The following SLC16A2 variants were observed in gnomAD, a reference collection of about 807,000 sequenced individuals.
SLC16A2 encodes the protein solute carrier family 16 member 2.
A neutral mutation model predicts 27.2 loss-of-function variants in SLC16A2; 3 were observed. The ratio of observed to expected loss-of-function variants is 0.11; its 90% confidence interval spans 0.05 to 0.28. SLC16A2 has a LOEUF of 0.28. Among genes scored for constraint, SLC16A2 ranks in the 10% least tolerant of loss-of-function variants. The probability of loss-of-function intolerance (pLI) is 1.00; values close to 1 mark genes in which losing one functional copy is unlikely to be tolerated. For synonymous variants in SLC16A2, 202 were observed against 187.8 expected (o/e 1.08, Z -0.62); for missense variants, 295 against 458.5 (o/e 0.64, Z 3.26).
chrX:74,451,046 G>A (rs760830683), intron 1 of SLC16A2, among the ~76,000 whole-genome samples: 2 of 111,704 alleles, frequency 1.8e-5, no homozygotes, highest in Non-Finnish European at 3.8e-5. Flanking sequence ...TTTCCATGGG[G>A]ATCTGTGGGT....
intron 1 of SLC16A2, among the ~76,000 whole-genome samples, chrX:74,444,888 T>C (rs1928811866): frequency 8.9e-6 from 1 of 111,938 alleles, no homozygotes; most frequent in South Asian, 3.7e-4. Flanking sequence ...TCTGCTTCTG[T>C]AATGTCTATG....
chrX:74,457,492 G>A (rs1481831363), intron 1 of SLC16A2, among the ~76,000 whole-genome samples: 2 of 111,139 alleles, frequency 1.8e-5, no homozygotes, highest in Non-Finnish European at 3.8e-5. Flanking sequence ...TGAATTTCAG[G>A]GTCACCAATG....
chrX:74,527,220 C>T (rs1178722279), intron 4 of SLC16A2, among the ~76,000 whole-genome samples: 1 of 112,417 alleles, frequency 8.9e-6, no homozygotes, highest in Non-Finnish European at 1.9e-5. Flanking sequence ...GCCCCTTTTC[C>T]TTACTCTTAC....
At chrX:74,439,158 CTCTTTCTTTCTT>C (rs765500073) in intron 1 of SLC16A2, among the ~76,000 whole-genome samples, 1 of 62,219 alleles carries the variant, frequency 1.6e-5, no homozygotes, top group East Asian at 4.5e-3. Flanking sequence ...GCTTGCTCAA[CTCTTTCTTTCTT>C]TCTTTCTTTC....
At chrX:74,519,394 G>T (rs1365436072) in intron 1 of SLC16A2, among the ~76,000 whole-genome samples, 4 of 105,614 alleles carry the variant, frequency 3.8e-5, no homozygotes, top group Middle Eastern at 4.9e-3. Flanking sequence ...AGCCAGGATG[G>T]TCTCTATCTC....
chrX:74,442,246 A>G (rs777195025), intron 1 of SLC16A2, among the ~76,000 whole-genome samples: 1,700 of 109,138 alleles, frequency 0.016, 36 homozygotes, highest in African/African-American at 0.054. Flanking sequence ...AAAAAAAAAA[A>G]AAAGAAATGG....
rs1064797374 is a variant in SLC16A2, at chrX:74,531,421, C to T, written c.1488C>T (p.Phe496=). The T allele has an allele frequency of 1.7e-5, 21 of 1,210,394 alleles. No individual in the cohort carries two copies. The highest frequency in any genetic ancestry group is 2.2e-5 in the Non-Finnish European group (20 of 894,206). The stretch of plus-strand genomic sequence containing the variant: ...TCATCGGGGCTGTAATCCTCTTCTT[C>T]GTCCCTCTGATGCATCAAAGGATGT... ...PPIIGAVILF[F]VPLMHQRMFK... is the part of the protein sequence containing the mutation. The change falls in exon 6 of 6, where the codon TTC becomes TTT. Residue 496 remains phenylalanine (F), a synonymous_variant. Transcript: ENST00000587091.
intron 1 of SLC16A2, among the ~76,000 whole-genome samples, chrX:74,442,011 C>T (rs755423926): frequency 9.1e-6 from 1 of 109,298 alleles, no homozygotes; most frequent in Admixed American, 9.8e-5. Flanking sequence ...GGTGGATCAC[C>T]TGAGGTTGGG....
intron 1 of SLC16A2, among the ~76,000 whole-genome samples, chrX:74,449,410 A>G (rs1928897146): frequency 9.0e-6 from 1 of 111,656 alleles, no homozygotes; most frequent in Non-Finnish European, 1.9e-5. Flanking sequence ...TCTTGAGTCC[A>G]CTCTTGGAAA....
At chrX:74,484,985 G>A (rs1929688489) in intron 1 of SLC16A2, among the ~76,000 whole-genome samples, 2 of 111,778 alleles carry the variant, frequency 1.8e-5, no homozygotes, top group Admixed American at 9.5e-5. Flanking sequence ...GGGAGGCCGA[G>A]GAGAGCAGAT....
intron 1 of SLC16A2, among the ~76,000 whole-genome samples, chrX:74,490,816 T>G (rs988721809): frequency 8.9e-6 from 1 of 112,164 alleles, no homozygotes; most frequent in East Asian, 2.8e-4. Flanking sequence ...AGATTAATTT[T>G]GGGAGAAAAT....
chrX:74,437,749 C>T (rs918853514), intron 1 of SLC16A2, among the ~76,000 whole-genome samples: 2 of 111,610 alleles, frequency 1.8e-5, no homozygotes, highest in African/African-American at 6.5e-5. Flanking sequence ...TGAGAAACTG[C>T]AGCTTTTAGG....
At chrX:74,450,167 T>C (rs1055078022) in intron 1 of SLC16A2, among the ~76,000 whole-genome samples, 6 of 112,843 alleles carry the variant, frequency 5.3e-5, no homozygotes, top group Admixed American at 1.9e-4. Context: ...CCCTAAGCCC[T>C]TTCTATTGAG....
chrX:74,501,091 T>C (rs1343552773), intron 1 of SLC16A2, among the ~76,000 whole-genome samples: 2 of 109,163 alleles, frequency 1.8e-5, no homozygotes, highest in Non-Finnish European at 3.8e-5. Flanking sequence ...TATTGTTTCA[T>C]ATAGTCTTTA....
intron 1 of SLC16A2, among the ~76,000 whole-genome samples, chrX:74,485,567 C>A (rs919372812): frequency 4.5e-5 from 5 of 110,861 alleles, no homozygotes; most frequent in Non-Finnish European, 9.4e-5. Flanking sequence ...CCAAATGGCG[C>A]GGCCACTCCC....
At chrX:74,525,702 T>C (rs1403224497) in intron 3 of SLC16A2, 48 bp from the exon 4 acceptor site, 1 of 1,200,718 alleles carries the variant, frequency 8.3e-7, no homozygotes, top group East Asian at 3.0e-5. Context: ...ACCAGTCAGC[T>C]CCTCTTTCTC....
chrX:74,476,639 T>TGA (rs1929485226), intron 1 of SLC16A2, among the ~76,000 whole-genome samples: 1 of 112,008 alleles, frequency 8.9e-6, no homozygotes, highest in Non-Finnish European at 1.9e-5. Flanking sequence ...CTTATTATTT[T>TGA]GAGATACATC....
rs1930463324 is a variant in SLC16A2 at position 74,524,733 on chromosome X, G to A, written c.950G>A (p.Arg317His). ...LRKYFNMRVF[R>H]QRTYRIWAFG... ...AAGTACTTCAACATGCGAGTGTTCC[G>A]CCAACGCACTTACCGCATCTGGGCC... is the stretch of plus-strand genomic sequence containing the variant. Residue 317 changes from arginine to histidine, a missense_variant, in exon 3 of 6, where the codon CGC becomes CAC. Transcript: ENST00000587091. 2 of 1,211,490 alleles carry A rather than the reference G, an allele frequency of 1.7e-6. No individual in the cohort carries two copies. The highest frequency in any genetic ancestry group is 2.2e-6 in the Non-Finnish European group (2 of 895,479).
rs1357846824 is a variant in SLC16A2, at chrX:74,531,446, T to C, written c.1513T>C (p.Phe505Leu). Reference sequence around the variant, plus strand: ...CGTCCCTCTGATGCATCAAAGGATGTTCAAGAAAGAGCAGAGAGATTCCAG... The same window carrying C: ...CGTCCCTCTGATGCATCAAAGGATGCTCAAGAAAGAGCAGAGAGATTCCAG... ...FFVPLMHQRM[F>L]KKEQRDSSKD... is the part of the protein sequence containing the mutation. The change falls in exon 6 of 6, where the codon TTC becomes CTC. Residue 505 changes from phenylalanine to leucine, a missense_variant. Coordinates refer to ENST00000587091, the MANE Select transcript of SLC16A2 (RefSeq NM_006517.5). 8.3e-7 allele frequency: 1 copy of C among 1,209,624 alleles called. No homozygotes were observed. The highest frequency in any genetic ancestry group is 1.1e-6 in the Non-Finnish European group (1 of 894,585).
Sources: gnomAD v4.1 joint callset for allele counts (sites outside exome capture counted in the v4.1 genomes callset) on GRCh38, gnomAD v4.1.1 for gene constraint, MANE v1.5 for transcripts, NCBI Gene and HGNC (gene_info 2026-07-23, HGNC 2026-07-21) for gene names.